The following COL22A1 variants were observed in gnomAD, a reference collection of about 807,000 sequenced individuals.
COL22A1 encodes the protein collagen type XXII alpha 1 chain, also known as collagen alpha-1(XXII) chain.
Under a neutral mutation model 248.9 loss-of-function variants are expected in COL22A1, and 221 were observed. That is an observed-to-expected ratio of 0.89 (90% CI 0.80 to 0.99). COL22A1 has a LOEUF of 0.99. Ranked by LOEUF, COL22A1 falls within the 50% of genes least tolerant of loss-of-function variation. The pLI is 0.00. For missense variants in COL22A1, 2,240 were observed against 2,179.0 expected, an observed-to-expected ratio of 1.03 and a Z score of -0.56; for synonymous variants, 891 against 793.4, an observed-to-expected ratio of 1.12 and a Z score of -2.07.
At chr8:138,846,134 T>C (rs1253182909) in intron 3 of COL22A1, among the ~76,000 whole-genome samples, 1 of 152,114 alleles carries the variant, frequency 6.6e-6, no homozygotes, top group East Asian at 1.9e-4. Context: ...TAGCACTACA[T>C]ACAGGAATGG....
chr8:138,702,603 C>G (rs1828054891), intron 31 of COL22A1, among the ~76,000 whole-genome samples: 1 of 138,818 alleles, frequency 7.2e-6, no homozygotes, highest in Non-Finnish European at 1.5e-5. Flanking sequence ...GAGGAAGAAA[C>G]ATTAAAGTGG....
Position 138,844,137 on chromosome 8 carries a change from C to T in COL22A1, c.680G>A (p.Arg227His), listed in dbSNP as rs551462454. The T allele has an allele frequency of 4.6e-5, 75 of 1,614,126 alleles. 1 individual carries two copies. Among genetic ancestry groups the T allele is most frequent in the East Asian group, 3.3e-4 (15 of 44,866 alleles). Residue 227 changes from arginine (R) to histidine (H), a missense_variant, in exon 4 of 65, where the codon CGT becomes CAT. Physicochemically the swap from Arg to His is conservative, Grantham distance 29. Transcript: ENST00000303045. The stretch of plus-strand genomic sequence containing the variant: ...GTGCTTAAAGCGATCTCCTTCTACA[C>T]GAACGCTAGGACAGAGCACATCTGA... ...LCENVLCPSVRVEGDRFKHTN... is the reference protein window; with the variant it reads ...LCENVLCPSVHVEGDRFKHTN...
At chr8:138,871,897 G>A (rs1823374190) in intron 3 of COL22A1, among the ~76,000 whole-genome samples, 2 of 152,146 alleles carry the variant, frequency 1.3e-5, no homozygotes, top group Admixed American at 6.5e-5. Context: ...AAGGTTAAGT[G>A]TTCTGCCTGC....
chr8:138,723,803 C>T (rs944857311), intron 25 of COL22A1, among the ~76,000 whole-genome samples: 1 of 152,200 alleles, frequency 6.6e-6, no homozygotes, highest in Non-Finnish European at 1.5e-5. Flanking sequence ...CTGGGGAGGA[C>T]GCTGGTGTTA....
chr8:138,663,299 C>T (rs908824613), intron 42 of COL22A1, among the ~76,000 whole-genome samples: 1 of 152,186 alleles, frequency 6.6e-6, no homozygotes, highest in African/African-American at 2.4e-5. Context: ...CAGTGGCTCC[C>T]GGGTCTTGCT....
chr8:138,628,512 C>T (rs1014936980), intron 50 of COL22A1, among the ~76,000 whole-genome samples: 4 of 152,028 alleles, frequency 2.6e-5, no homozygotes, highest in African/African-American at 9.7e-5. Flanking sequence ...CTCCAGCCTC[C>T]GCAACAAGAG....
intron 40 of COL22A1, among the ~76,000 whole-genome samples, chr8:138,677,885 C>T (rs1825686596): frequency 6.6e-6 from 1 of 152,194 alleles, no homozygotes; most frequent in African/African-American, 2.4e-5. Flanking sequence ...CACTTAATAC[C>T]TCTGGAATGA....
intron 58 of COL22A1, among the ~76,000 whole-genome samples, chr8:138,605,375 T>C (rs1818342977): frequency 6.6e-6 from 1 of 152,154 alleles, no homozygotes; most frequent in Admixed American, 6.5e-5. Flanking sequence ...TCAGGAGCAA[T>C]TGCTGCAGTG....
chr8:138,886,418 A>G (rs918785958), intron 1 of COL22A1, among the ~76,000 whole-genome samples: 8 of 152,146 alleles, frequency 5.3e-5, no homozygotes, highest in African/African-American at 1.9e-4. Flanking sequence ...AGAGAAAGGA[A>G]GAGCAGAGGG....
intron 62 of COL22A1, 88 bp from the exon 63 acceptor site, chr8:138,594,287 G>A: frequency 8.2e-7 from 1 of 1,219,000 alleles, no homozygotes; most frequent in Non-Finnish European, 1.1e-6. Flanking sequence ...TCAGAACCAG[G>A]GGGCCGATAA....
At chr8:138,725,344 C>T in intron 24 of COL22A1, 43 bp downstream of exon 24, 3 of 1,601,658 alleles carry the variant, frequency 1.9e-6, no homozygotes, top group Non-Finnish European at 2.6e-6. Flanking sequence ...GGCCAGGAAA[C>T]CACCATCTAA....
intron 49 of COL22A1, among the ~76,000 whole-genome samples, chr8:138,631,869 G>C (rs1021048168): frequency 1.3e-5 from 2 of 152,142 alleles, no homozygotes; most frequent in African/African-American, 2.4e-5. Context: ...TGACATGCTA[G>C]TGTTTATTGA....
At chr8:138,779,200 A>G (rs1040169343) in intron 14 of COL22A1, among the ~76,000 whole-genome samples, 4 of 152,256 alleles carry the variant, frequency 2.6e-5, no homozygotes, top group South Asian at 2.1e-4. Context: ...ATATCCATGT[A>G]TGATTGGGTA....
intron 22 of COL22A1, among the ~76,000 whole-genome samples, chr8:138,746,965 C>T (rs148639325): frequency 8.5e-5 from 13 of 152,316 alleles, no homozygotes; most frequent in East Asian, 3.9e-4. Flanking sequence ...CCTGCCACTG[C>T]GACCCTCAAA....
chr8:138,811,699 C>G, intron 9 of COL22A1, 100 bp downstream of exon 9: 1 of 1,427,046 alleles, frequency 7.0e-7, no homozygotes, highest in Admixed American at 1.7e-5. Context: ...CCATGGGCCT[C>G]CTGGTGCCCC....
intron 50 of COL22A1, among the ~76,000 whole-genome samples, chr8:138,628,932 A>G (rs1156447083): frequency 6.6e-6 from 1 of 151,548 alleles, no homozygotes; most frequent in Non-Finnish European, 1.5e-5. Flanking sequence ...CGCCCAGCTA[A>G]TTTTTTGTAT....
At chr8:138,734,303 C>T (rs1228311834) in intron 23 of COL22A1, among the ~76,000 whole-genome samples, 3 of 152,192 alleles carry the variant, frequency 2.0e-5, no homozygotes, top group South Asian at 4.1e-4. Flanking sequence ...CATTAATGTA[C>T]GAATTCTCAT....
intron 51 of COL22A1, among the ~76,000 whole-genome samples, chr8:138,625,823 AT>A (rs1379868969): frequency 6.6e-6 from 1 of 152,248 alleles, no homozygotes; most frequent in African/African-American, 2.4e-5. Flanking sequence ...AAATGTTTAC[AT>A]TATCACAAAT....
chr8:138,903,297 C>T (rs1814755395), intron 1 of COL22A1, among the ~76,000 whole-genome samples: 2 of 152,232 alleles, frequency 1.3e-5, no homozygotes, highest in Admixed American at 6.5e-5. Flanking sequence ...CATTCTGGGC[C>T]ACCCAACCCC....
Sources: gnomAD v4.1 joint callset for allele counts (sites outside exome capture counted in the v4.1 genomes callset) on GRCh38, gnomAD v4.1.1 for gene constraint, MANE v1.5 for transcripts, NCBI Gene and HGNC (gene_info 2026-07-23, HGNC 2026-07-21) for gene names.